DNAH5: variants seen among roughly 807,000 people sequenced by gnomAD.
DNAH5 encodes axonemal beta dynein heavy chain 5.
In DNAH5, 372 loss-of-function variants were observed where a neutral mutation model predicts 518.2. The ratio of observed to expected loss-of-function variants is 0.72; its 90% CI spans 0.66 to 0.78. DNAH5 has a LOEUF of 0.78. DNAH5 is among the 30% of genes least tolerant of loss of function. The pLI, the probability that DNAH5 is intolerant of heterozygous loss-of-function variation, is 0.00. For synonymous variants in DNAH5, 2,039 were observed against 2,025.9 expected, an observed-to-expected ratio of 1.01 and a Z score of -0.17; for missense variants, 5,523 against 5,687.0, an observed-to-expected ratio of 0.97 and a Z score of 0.93.
At chr5:13,816,022 A>C (rs1761400074) in intron 42 of DNAH5, among the ~76,000 whole-genome samples, 1 of 152,194 alleles carries the variant, frequency 6.6e-6, no homozygotes, top group African/African-American at 2.4e-5. Context: ...AGAAGTGGAA[A>C]AAGAGCTAGC....
chr5:13,793,057 C>T (rs567837866), intron 49 of DNAH5, among the ~76,000 whole-genome samples: 36 of 152,276 alleles, frequency 2.4e-4, no homozygotes, highest in African/African-American at 8.4e-4. Flanking sequence ...CAGTAAATTA[C>T]TCTGAATTTC....
intron 41 of DNAH5, among the ~76,000 whole-genome samples, chr5:13,819,851 G>A (rs569980116): frequency 9.3e-4 from 141 of 152,226 alleles, no homozygotes; most frequent in Non-Finnish European, 1.6e-3. Context: ...GGATGACTTC[G>A]GCATATAGAA....
chr5:13,769,218 T>A, intron 57 of DNAH5, 82 bp from the exon 58 acceptor site: 2 of 1,495,014 alleles, frequency 1.3e-6, no homozygotes, highest in East Asian at 2.3e-5. Flanking sequence ...CCTTGATTTG[T>A]TGATTTTGTT....
At chr5:13,988,135 T>C (rs2152072293) in intron 1 of DNAH5, among the ~76,000 whole-genome samples, 1 of 152,304 alleles carries the variant, frequency 6.6e-6, no homozygotes, top group East Asian at 1.9e-4. Flanking sequence ...TGAAATTTAC[T>C]ATGCTATCAT....
intron 15 of DNAH5, chr5:13,898,713 A>G (rs537744878): frequency 2.5e-6 from 1 of 398,028 alleles, no homozygotes; most frequent in South Asian, 1.3e-4. Context: ...GAGCATGAAA[A>G]TGGCTTTAAA....
chr5:13,817,196 T>C (rs561666441), intron 42 of DNAH5, among the ~76,000 whole-genome samples: 1 of 152,356 alleles, frequency 6.6e-6, no homozygotes, highest in Admixed American at 6.5e-5. Context: ...AGGCTGTACT[T>C]AAATGAGAGC....
rs761704400 is a variant in DNAH5, at chr5:13,864,451, A to C, written c.4542T>G (p.Phe1514Leu). The C allele has an allele frequency of 6.8e-6, 11 of 1,614,154 alleles. No individual in the cohort carries two copies. Among genetic ancestry groups the C allele is most frequent in the Non-Finnish European group, 8.5e-6 (10 of 1,179,994 alleles). ...GHSLDVGNES[F>L]KLRNIMEAPL... ...GTGCCTCCATGATATTTCTTAACTT[A>C]AAGCTTTCATTCCCCACATCCAGAC... Residue 1514 changes from phenylalanine to leucine, a missense_variant, in exon 28 of 79, where the codon TTT (phenylalanine) becomes TTG (leucine). This residue lies in a region of DNAH5 where 5,121 missense variants were observed against 5,223.3 expected (regional missense o/e 0.98). Coordinates refer to ENST00000265104, the MANE Select transcript of DNAH5 (RefSeq NM_001369.3).
chr5:13,714,712 G>T (rs993175666), intron 74 of DNAH5, 92 bp from the exon 75 acceptor site: 2 of 1,213,254 alleles, frequency 1.6e-6, no homozygotes, highest in Admixed American at 2.0e-5. Context: ...CTTCTATGAG[G>T]GTATGCATTT....
chr5:13,828,862 G>A (rs533550200), intron 38 of DNAH5, among the ~76,000 whole-genome samples: 2 of 152,156 alleles, frequency 1.3e-5, no homozygotes, highest in Non-Finnish European at 2.9e-5. Flanking sequence ...TTGTAGCCTT[G>A]TTAGACACAA....
chr5:13,856,088 T>A (rs1767591495), intron 30 of DNAH5, among the ~76,000 whole-genome samples: 1 of 151,942 alleles, frequency 6.6e-6, no homozygotes, highest in Non-Finnish European at 1.5e-5. Context: ...TTAAAAGAAC[T>A]AGAGAATCAA....
chr5:14,002,312 T>A (rs527613902), intron 1 of DNAH5, among the ~76,000 whole-genome samples: 1 of 152,232 alleles, frequency 6.6e-6, no homozygotes, highest in African/African-American at 2.4e-5. Flanking sequence ...TGGGTGCACA[T>A]CTGAAGAGAT....
At chr5:13,908,632 C>T (rs1775637503) in intron 12 of DNAH5, among the ~76,000 whole-genome samples, 1 of 152,156 alleles carries the variant, frequency 6.6e-6, no homozygotes, top group Admixed American at 6.5e-5. Flanking sequence ...AGCTTGCCAC[C>T]TCAACACCCA....
chr5:13,854,267 C>A (rs1402926963), intron 30 of DNAH5, among the ~76,000 whole-genome samples: 5 of 152,122 alleles, frequency 3.3e-5, no homozygotes, highest in African/African-American at 1.2e-4. Flanking sequence ...TCCAGCCAAA[C>A]TAAGCTTCAT....
chr5:13,895,492 A>G (rs1773786973), intron 15 of DNAH5, among the ~76,000 whole-genome samples: 1 of 152,180 alleles, frequency 6.6e-6, no homozygotes, highest in Non-Finnish European at 1.5e-5. Flanking sequence ...GTACACTGAT[A>G]CGACATGCGT....
At chr5:13,905,902 T>C (rs1417209951) in intron 12 of DNAH5, among the ~76,000 whole-genome samples, 3 of 152,200 alleles carry the variant, frequency 2.0e-5, no homozygotes, top group Non-Finnish European at 4.4e-5. Context: ...ACTGGATAAA[T>C]TGTGGTACAT....
At chr5:13,706,313 G>A (rs2126443579) in intron 76 of DNAH5, among the ~76,000 whole-genome samples, 1 of 152,348 alleles carries the variant, frequency 6.6e-6, no homozygotes, top group East Asian at 1.9e-4. Context: ...GCAAGTGAAT[G>A]AGGAAGTGGA....
intron 38 of DNAH5, among the ~76,000 whole-genome samples, chr5:13,828,975 C>T (rs1381916915): frequency 3.9e-5 from 6 of 152,208 alleles, no homozygotes; most frequent in Non-Finnish European, 8.8e-5. Flanking sequence ...TGTTAGATGA[C>T]TATTATGCAG....
At chr5:13,975,630 T>G (rs746807492) in intron 1 of DNAH5, among the ~76,000 whole-genome samples, 2 of 152,206 alleles carry the variant, frequency 1.3e-5, no homozygotes, top group Admixed American at 6.5e-5. Flanking sequence ...GCTGTACCAG[T>G]ACATATCTGA....
At chr5:13,714,357 A>G in intron 75 of DNAH5, 48 bp downstream of exon 75, 2 of 1,584,962 alleles carry the variant, frequency 1.3e-6, no homozygotes, top group Non-Finnish European at 1.7e-6. Flanking sequence ...CTCCCAACCG[A>G]AGATATGCAA....
Sources: allele counts gnomAD v4.1 joint callset (sites outside exome capture counted in the v4.1 genomes callset), GRCh38; gene constraint gnomAD v4.1.1; regional missense constraint gnomAD v4.1.1; transcripts MANE v1.5; gene names NCBI Gene and HGNC (gene_info 2026-07-23, HGNC 2026-07-21).